The following UTRN variants were observed in gnomAD, a reference collection of about 807,000 sequenced individuals.
UTRN encodes dystrophin-related protein 1.
Under a neutral mutation model 463.9 loss-of-function variants are expected in UTRN, and 283 were observed. That is an observed-to-expected ratio of 0.61 (90% CI 0.55 to 0.67). The LOEUF (loss-of-function observed/expected upper bound fraction) is 0.67. UTRN is among the 30% of genes least tolerant of loss of function. UTRN has a pLI of 0.00. For missense variants in UTRN, 3,922 were observed against 4,084.3 expected, an observed-to-expected ratio of 0.96 and a Z score of 1.08; for synonymous variants, 1,442 against 1,431.5, an observed-to-expected ratio of 1.01 and a Z score of -0.17.
chr6:144,646,064 G>C (rs1416081537), intron 51 of UTRN, among the ~76,000 whole-genome samples: 1 of 152,054 alleles, frequency 6.6e-6, no homozygotes, highest in Non-Finnish European at 1.5e-5. Context: ...TAAATAAATG[G>C]TAACAAGGCC....
At chr6:144,776,697 G>A (rs1162396658) in intron 60 of UTRN, among the ~76,000 whole-genome samples, 2 of 152,152 alleles carry the variant, frequency 1.3e-5, no homozygotes, top group Non-Finnish European at 2.9e-5. Context: ...CTTAGTGATA[G>A]AAATGGCAAA....
chr6:144,660,681 T>C (rs1323172887), intron 51 of UTRN, among the ~76,000 whole-genome samples: 4 of 152,246 alleles, frequency 2.6e-5, no homozygotes, highest in African/African-American at 9.6e-5. Flanking sequence ...CTCAGGTTTA[T>C]CTGTCCAGCC....
intron 22 of UTRN, 96 bp downstream of exon 22, chr6:144,461,438 G>T (rs1789397556): frequency 8.4e-6 from 11 of 1,313,306 alleles, no homozygotes; most frequent in South Asian, 2.7e-5. Context: ...AAAAAAAGTT[G>T]GTCAGTTTTG....
At chr6:144,821,096 GA>G (rs1779559607) in intron 66 of UTRN, 78 bp downstream of exon 66, 1 of 1,504,946 alleles carries the variant, frequency 6.6e-7, no homozygotes. Context: ...TAACACAAGA[GA>G]AATTGTTTAA....
At chr6:144,720,893 C>G (rs1337710989) in intron 53 of UTRN, among the ~76,000 whole-genome samples, 1 of 152,140 alleles carries the variant, frequency 6.6e-6, no homozygotes, top group African/African-American at 2.4e-5. Context: ...CTCTCTTCCC[C>G]TTTATACTAT....
chr6:144,694,835 A>C (rs1257467386), intron 52 of UTRN, among the ~76,000 whole-genome samples: 1 of 151,348 alleles, frequency 6.6e-6, no homozygotes, highest in Non-Finnish European at 1.5e-5. Context: ...TTTTTCAAAA[A>C]CCCAGCTCCT....
chr6:144,556,828 C>T (rs183549871), intron 49 of UTRN, among the ~76,000 whole-genome samples: 49 of 152,150 alleles, frequency 3.2e-4, no homozygotes, highest in African/African-American at 1.0e-3. Flanking sequence ...TCCTTTATGA[C>T]GCATGTCCGT....
intron 52 of UTRN, among the ~76,000 whole-genome samples, chr6:144,685,672 A>G (rs540310405): frequency 6.6e-6 from 1 of 152,248 alleles, no homozygotes; most frequent in African/African-American, 2.4e-5. Context: ...CTTTTGAGAA[A>G]TGTCTAATCA....
chr6:144,800,009 G>A (rs982913885), intron 64 of UTRN, among the ~76,000 whole-genome samples: 1 of 152,156 alleles, frequency 6.6e-6, no homozygotes, highest in South Asian at 2.1e-4. Flanking sequence ...GGATATAAAC[G>A]GTAATGTGAA....
chr6:144,727,583 G>C (rs535392663), intron 53 of UTRN, among the ~76,000 whole-genome samples: 169 of 151,958 alleles, frequency 1.1e-3, no homozygotes, highest in Non-Finnish European at 1.7e-3. Flanking sequence ...ACAGTGAAAT[G>C]CCATCTCTAC....
At chr6:144,829,439 T>A (rs1340718061) in intron 69 of UTRN, among the ~76,000 whole-genome samples, 1 of 152,160 alleles carries the variant, frequency 6.6e-6, no homozygotes, top group African/African-American at 2.4e-5. Context: ...ATTTCTGATT[T>A]CCCCATATGT....
At chr6:144,487,324 A>G (rs905275445) in intron 28 of UTRN, among the ~76,000 whole-genome samples, 4 of 152,112 alleles carry the variant, frequency 2.6e-5, no homozygotes, top group African/African-American at 4.8e-5. Flanking sequence ...TTTTTGTGAA[A>G]TTATATCATA....
At chr6:144,530,022 T>G (rs1184659006) in intron 41 of UTRN, among the ~76,000 whole-genome samples, 1 of 152,212 alleles carries the variant, frequency 6.6e-6, no homozygotes. Flanking sequence ...CCCTCTGTCT[T>G]ATTGCATAAC....
intron 51 of UTRN, among the ~76,000 whole-genome samples, chr6:144,640,756 A>T (rs1472123911): frequency 6.6e-6 from 1 of 152,138 alleles, no homozygotes; most frequent in Non-Finnish European, 1.5e-5. Flanking sequence ...AAATGTTTTG[A>T]AAAGAACTGC....
At chr6:144,715,693 T>TC (rs10660006) in intron 53 of UTRN, among the ~76,000 whole-genome samples, 6,961 of 131,058 alleles carry the variant, frequency 0.053, 809 homozygotes, top group African/African-American at 0.19. Context: ...CTCTCTCTCT[T>TC]CCCCCCCCAC....
At chr6:144,297,643 G>C (rs1262697552) in intron 2 of UTRN, among the ~76,000 whole-genome samples, 1 of 152,108 alleles carries the variant, frequency 6.6e-6, no homozygotes, top group Non-Finnish European at 1.5e-5. Flanking sequence ...TTTTTTCCAT[G>C]AGCCCTGGGG....
At chr6:144,734,598 C>G (rs1309631099) in intron 54 of UTRN, among the ~76,000 whole-genome samples, 1 of 152,088 alleles carries the variant, frequency 6.6e-6, no homozygotes, top group Non-Finnish European at 1.5e-5. Flanking sequence ...CTTTTGTCAC[C>G]CAAATCCATT....
chr6:144,571,612 G>A (rs1046756767), intron 50 of UTRN, among the ~76,000 whole-genome samples: 3 of 151,988 alleles, frequency 2.0e-5, no homozygotes, highest in Non-Finnish European at 2.9e-5. Context: ...TCCCTGCTTC[G>A]CCATTGAATT....
chr6:144,688,891 G>A (rs991976410), intron 52 of UTRN, among the ~76,000 whole-genome samples: 3 of 152,162 alleles, frequency 2.0e-5, no homozygotes, highest in African/African-American at 7.2e-5. Context: ...CCAAACAGGT[G>A]GGTAATGTAA....
Sources: gnomAD v4.1 joint callset for allele counts (sites outside exome capture counted in the v4.1 genomes callset) on GRCh38, gnomAD v4.1.1 for gene constraint, MANE v1.5 for transcripts, NCBI Gene and HGNC (gene_info 2026-07-23, HGNC 2026-07-21) for gene names.